SGCE: variants seen among roughly 807,000 people sequenced by gnomAD.
The protein encoded by SGCE is sarcoglycan epsilon.
A neutral mutation model predicts 57.8 loss-of-function variants in SGCE; 26 were observed. The observed-to-expected ratio is 0.45, with a 90% CI of 0.33 to 0.62. The LOEUF (loss-of-function observed/expected upper bound fraction) is 0.62. Among genes scored for constraint, SGCE ranks in the 20% least tolerant of loss-of-function variants. The pLI is 0.02. For synonymous variants in SGCE, 183 were observed against 189.5 expected (o/e 0.97, Z 0.28); for missense variants, 468 against 548.6 (o/e 0.85, Z 1.47).
intron 9 of SGCE, 137 bp from the exon 10 acceptor site, chr7:94,588,869 T>G: frequency 1.1e-6 from 1 of 891,318 alleles, no homozygotes. Context: ...CCCTCCCCTT[T>G]CATGAGCTTA....
At chr7:94,646,045 C>G (rs969740012) in intron 1 of SGCE, among the ~76,000 whole-genome samples, 2 of 152,108 alleles carry the variant, frequency 1.3e-5, no homozygotes, top group African/African-American at 4.8e-5. Flanking sequence ...GAGGCGACAG[C>G]CATACCAAAC....
chr7:94,639,406 T>C lies in SGCE; in HGVS notation c.110-9565A>G, dbSNP rs1383940573. 5.9e-6 allele frequency: 9 copies of C among 1,535,482 alleles called. No homozygotes were observed. Among genetic ancestry groups the C allele is most frequent in the Non-Finnish European group, 7.0e-6 (8 of 1,146,454 alleles). On this transcript the variant is annotated intron_variant, in intron 1 of 10. Coordinates refer to ENST00000648936, the MANE Select transcript of SGCE (RefSeq NM_003919.3). ...ATTGTTGGCCTGTCTGGTCTTCCAG[T>C]TAACTGTTCCATTTATGCCATCAGC...
rs1222918748 is a variant in SGCE at position 94,599,784 on chromosome 7, T to G, written c.1038-61A>C. On this transcript the variant is annotated intron_variant, in intron 7 of 10. Coordinates refer to ENST00000648936, the MANE Select transcript of SGCE (RefSeq NM_003919.3). ...GCATTGATATTTGGAACATTAAGAC[T>G]ATATGCTCATGGGATCTTGCATGAT... The G allele has an allele frequency of 2.6e-6, 3 of 1,144,166 alleles. No individual in the cohort carries two copies. In the African/African-American group the frequency reaches 4.5e-5, roughly 17 times the overall value. The allele number at this position is 1,144,166 out of a possible 1,614,324, so 70.9% of individuals were successfully genotyped here.
intron 10 of SGCE, chr7:94,586,891 G>A (rs1796982944): frequency 4.1e-5 from 40 of 984,848 alleles, no homozygotes; most frequent in Non-Finnish European, 4.7e-5. Flanking sequence ...TCTCCCTTTG[G>A]CACTTAAGAT....
chr7:94,607,012 A>G (rs1168819509), intron 5 of SGCE, among the ~76,000 whole-genome samples: 1 of 152,164 alleles, frequency 6.6e-6, no homozygotes, highest in Non-Finnish European at 1.5e-5. Context: ...TTAGAAAAGA[A>G]GAGAGATCTA....
chr7:94,587,927 A>G, intron 10 of SGCE: 3 of 1,442,428 alleles, frequency 2.1e-6, no homozygotes, highest in Non-Finnish European at 2.7e-6. Context: ...CCCTACCACA[A>G]TGCCGCTATT....
chr7:94,588,632 A>G (rs750224709), intron 10 of SGCE, 57 bp downstream of exon 10: 17 of 1,556,868 alleles, frequency 1.1e-5, no homozygotes, highest in Non-Finnish European at 1.5e-5. Flanking sequence ...TGCCATAATT[A>G]TCTTTTAATC....
intron 5 of SGCE, among the ~76,000 whole-genome samples, chr7:94,604,748 G>A (rs1441415016): frequency 7.8e-6 from 1 of 128,814 alleles, no homozygotes; most frequent in Non-Finnish European, 1.6e-5. Flanking sequence ...TGAGGCATAG[G>A]CTCACTAAAA....
In SGCE at chr7:94,632,863, A is replaced by G. The variant is rs78883733; in HGVS notation, c.110-3022T>C. 9.0e-3 allele frequency among the ~76,000 whole-genome samples: 1,367 copies of G among 152,146 alleles called. 19 individuals are homozygous for G. The highest frequency in any genetic ancestry group is 0.031 in the African/African-American group (1,293 of 41,520). ...TTCTTGTTCTAAACGTGAGCTATAT[A>G]AATAAAGCTGATGGGGTCCACTCCA... On this transcript the variant is annotated intron_variant, in intron 1 of 10. Transcript: ENST00000648936.
intron 1 of SGCE, among the ~76,000 whole-genome samples, chr7:94,632,657 G>A (rs746802899): frequency 1.3e-5 from 2 of 152,084 alleles, no homozygotes; most frequent in African/African-American, 2.4e-5. Context: ...CTTCCTTTCT[G>A]TAGCATCAGT....
chr7:94,620,774 G>C (rs1802643034), intron 4 of SGCE: 1 of 152,080 alleles, frequency 6.6e-6, no homozygotes, highest in Non-Finnish European at 1.5e-5. Context: ...CCTTTTCTGA[G>C]ACCTGCTGCA....
At chr7:94,621,618 A>G (rs1802798338) in intron 4 of SGCE, 2 of 152,260 alleles carry the variant, frequency 1.3e-5, no homozygotes, top group Non-Finnish European at 2.9e-5. Context: ...CACACCTGAC[A>G]GAGTTTCGAG....
At chr7:94,598,477 A>G (rs1409232956) in intron 9 of SGCE, 3 of 333,718 alleles carry the variant, frequency 9.0e-6, no homozygotes, top group Non-Finnish European at 1.1e-5. Context: ...TCTTTTTTTT[A>G]TAATTAACTC....
At chr7:94,646,348 G>T (rs530367767) in intron 1 of SGCE, among the ~76,000 whole-genome samples, 144 of 152,178 alleles carry the variant, frequency 9.5e-4, no homozygotes, top group Non-Finnish European at 1.7e-3. Context: ...GTTTTGGTTT[G>T]ACAGAATAGT....
chr7:94,625,017 C>T (rs1334935444), intron 3 of SGCE: 1 of 151,950 alleles, frequency 6.6e-6, no homozygotes, highest in Non-Finnish European at 1.5e-5. Context: ...TCCAATGAGA[C>T]ATTTAACTGC....
At chr7:94,624,161 T>TA in intron 3 of SGCE, 1 of 256,884 alleles carries the variant, frequency 3.9e-6, no homozygotes, top group Non-Finnish European at 6.2e-6. Context: ...CTGCAGTACC[T>TA]CAAAAAAAAA....
intron 5 of SGCE, among the ~76,000 whole-genome samples, chr7:94,603,854 ATAAC>A (rs1445426940): frequency 1.3e-5 from 2 of 152,176 alleles, no homozygotes; most frequent in East Asian, 3.8e-4. Context: ...ACAATAATAA[ATAAC>A]TAAGTAATAC....
rs1367014911 is a variant in SGCE, at chr7:94,588,748, A to G, written c.1254-16T>C. ...TGGCAAGTTCCTAGAAATGATGAAC[A>G]TTTTTGAGTAAAACTGTTTGTTTAC... On this transcript the variant is annotated splice_polypyrimidine_tract_variant and intron_variant, in intron 9 of 10. Coordinates refer to ENST00000648936, the MANE Select transcript of SGCE (RefSeq NM_003919.3). 6.2e-7 allele frequency: 1 copy of G among 1,613,536 alleles called. No homozygotes were observed. Among genetic ancestry groups the G allele is most frequent in the Non-Finnish European group, 8.5e-7 (1 of 1,179,610 alleles).
chr7:94,599,010 A>G (rs773152863), intron 8 of SGCE, 47 bp from the exon 9 acceptor site: 1 of 1,370,196 alleles, frequency 7.3e-7, no homozygotes, highest in Non-Finnish European at 1.0e-6. Flanking sequence ...ATCATATATT[A>G]GCCTGATGGG....
Sources: allele counts gnomAD v4.1 joint callset (sites outside exome capture counted in the v4.1 genomes callset), GRCh38; gene constraint gnomAD v4.1.1; transcripts MANE v1.5; gene names NCBI Gene and HGNC (gene_info 2026-07-23, HGNC 2026-07-21).